Variants in RHOQ observed in about 807,000 individuals in gnomAD.
The protein encoded by RHOQ is rho-related GTP-binding protein RhoQ.
In RHOQ, 7 loss-of-function variants were observed where a neutral mutation model predicts 25.8. That is an observed-to-expected ratio of 0.27 (90% CI 0.15 to 0.51). The LOEUF is 0.51. Ranked by LOEUF, RHOQ falls within the 20% of genes least tolerant of loss-of-function variation. RHOQ has a pLI of 0.97. For synonymous variants in RHOQ, 97 were observed against 98.6 expected (o/e 0.98, Z 0.10); for missense variants, 165 against 260.6 (o/e 0.63, Z 2.53).
chr2:46,545,458 C>G (rs948307161), intron 2 of RHOQ, among the ~76,000 whole-genome samples: 2 of 152,184 alleles, frequency 1.3e-5, no homozygotes, highest in Non-Finnish European at 2.9e-5. Flanking sequence ...TATGTTTAAA[C>G]CCTGCTAGTA....
intron 2 of RHOQ, among the ~76,000 whole-genome samples, chr2:46,562,738 A>G (rs1304520476): frequency 6.6e-6 from 1 of 152,118 alleles, no homozygotes; most frequent in Non-Finnish European, 1.5e-5. Flanking sequence ...TGAAAAACGT[A>G]TTTGAGATAT....
intron 2 of RHOQ, among the ~76,000 whole-genome samples, chr2:46,551,698 G>T (rs575122689): frequency 6.6e-6 from 1 of 152,316 alleles, no homozygotes; most frequent in Non-Finnish European, 1.5e-5. Flanking sequence ...CTTTTTGAGT[G>T]AATGGTGAGA....
chr2:46,544,235 A>T (rs955290881), intron 2 of RHOQ, among the ~76,000 whole-genome samples: 9 of 152,220 alleles, frequency 5.9e-5, no homozygotes, highest in African/African-American at 2.2e-4. Context: ...AAATGGCATC[A>T]TCTAATATGA....
Position 46,581,254 on chromosome 2 carries a change from A to G in RHOQ, c.*171A>G, listed in dbSNP as rs1669358139. The G allele has an allele frequency of 1.0e-6, 1 of 962,060 alleles. No individual in the cohort carries two copies. The highest frequency in any genetic ancestry group is 1.7e-5 in the African/African-American group (1 of 60,542). 59.6% of individuals were successfully genotyped at this position (962,060 alleles called of 1,614,324 possible). On this transcript the variant is annotated 3_prime_UTR_variant, in exon 5 of 5. Coordinates refer to ENST00000238738, the MANE Select transcript of RHOQ (RefSeq NM_012249.4). ...TATTAAGAATGTTCCTTAAAGGTTT[A>G]AGAAGCAGTAAGCAGCATCTGAAGC...
rs1668134860 is a variant in RHOQ, at chr2:46,548,257, G to C, written c.201+4445G>C. ...TTACACTTGATATAACCCAGCAGCT[G>C]TGGCTGCCCTGCATGCCCTCTGGGT... On this transcript the variant is annotated intron_variant, in intron 2 of 4. Coordinates refer to ENST00000238738, the MANE Select transcript of RHOQ (RefSeq NM_012249.4). The surrounding 1 kb of genome is among the most constrained non-coding windows in gnomAD (Gnocchi z 5.2). 6.6e-6 allele frequency among the ~76,000 whole-genome samples: 1 copy of C among 152,226 alleles called. No homozygotes were observed. Among genetic ancestry groups the C allele is most frequent in the African/African-American group, 2.4e-5 (1 of 41,458 alleles).
rs554008642 is a variant in RHOQ, at chr2:46,580,663, A to G, written c.463-265A>G. On this transcript the variant is annotated intron_variant, in intron 4 of 4. Transcript: ENST00000238738. Reference sequence around the variant, plus strand: ...GGGACTCTGCTCTTTCGTTCAGTTCACTGACATATCCCCAGGACCTAAACA... The same window carrying G: ...GGGACTCTGCTCTTTCGTTCAGTTCGCTGACATATCCCCAGGACCTAAACA... The G allele has an allele frequency of 3.2e-5, 9 of 280,666 alleles. No individual in the cohort carries two copies. The South Asian group carries it at 1.4e-3, about 42-fold the overall frequency. 17.4% of individuals were successfully genotyped at this position (280,666 alleles called of 1,614,324 possible).
chr2:46,572,975 G>T (rs575481840), intron 2 of RHOQ, among the ~76,000 whole-genome samples: 2 of 152,098 alleles, frequency 1.3e-5, no homozygotes, highest in African/African-American at 2.4e-5. Flanking sequence ...ATGCACAGGG[G>T]ATAATTTATT....
chr2:46,581,710 G>A lies in RHOQ; in HGVS notation c.*627G>A, dbSNP rs888696360. 25 of 1,387,176 alleles carry A rather than the reference G, an allele frequency of 1.8e-5. No individual in the cohort carries two copies. Among genetic ancestry groups the A allele is most frequent in the Non-Finnish European group, 2.4e-5 (25 of 1,036,562 alleles). 85.9% of individuals were successfully genotyped at this position (1,387,176 alleles called of 1,614,324 possible). ...TGTGCTTTCTTAAAGAATGCCAAAAGTGTAATAAGGTCATAACTGCATTTA... is the reference window on the plus strand; with the variant it reads ...TGTGCTTTCTTAAAGAATGCCAAAAATGTAATAAGGTCATAACTGCATTTA... On this transcript the variant is annotated 3_prime_UTR_variant, in exon 5 of 5. Transcript: ENST00000238738.
chr2:46,581,546 C>A lies in RHOQ; in HGVS notation c.*463C>A, dbSNP rs936625334. On this transcript the variant is annotated 3_prime_UTR_variant, in exon 5 of 5. Coordinates refer to ENST00000238738, the MANE Select transcript of RHOQ (RefSeq NM_012249.4). ...CAGAGTGGTGAAATAACAAGGCCAG[C>A]CACGTAGCCAAAGGTCGCTCCAAGC... 6.2e-7 allele frequency: 1 copy of A among 1,611,382 alleles called. No homozygotes were observed. The highest frequency in any genetic ancestry group is 1.3e-5 in the African/African-American group (1 of 74,838).
At chr2:46,562,385 C>T (rs555812253) in intron 2 of RHOQ, among the ~76,000 whole-genome samples, 1 of 152,308 alleles carries the variant, frequency 6.6e-6, no homozygotes, top group South Asian at 2.1e-4. Flanking sequence ...ACTGGAATGA[C>T]AGTTTATCTG....
At chr2:46,579,800 G>A (rs1052632322) in intron 4 of RHOQ, among the ~76,000 whole-genome samples, 1 of 148,394 alleles carries the variant, frequency 6.7e-6, no homozygotes, top group African/African-American at 2.5e-5. Context: ...AGCCAAGATC[G>A]AACCATAGTA....
Position 46,576,172 on chromosome 2 carries a change from T to TA in RHOQ, c.287_288insA (p.Phe96LeufsTer13). ...TTCTCGGTGGTAAATCCAGCCTCAT[T>TA]TCAAAATGTGAAAGAGGAGTGGGTA... On this transcript the variant is annotated frameshift_variant, in exon 3 of 5. Transcript: ENST00000238738. LOFTEE classifies it high-confidence loss of function. The surrounding 1 kb of genome is among the most constrained non-coding windows in gnomAD (Gnocchi z 5.1). 1 of 1,608,346 alleles carries TA rather than the reference T, an allele frequency of 6.2e-7. No homozygotes were observed. The highest frequency in any genetic ancestry group is 8.5e-7 in the Non-Finnish European group (1 of 1,176,804).
intron 2 of RHOQ, among the ~76,000 whole-genome samples, chr2:46,550,932 G>A (rs973383976): frequency 6.6e-6 from 1 of 152,120 alleles, no homozygotes. Context: ...CAAGTTCATC[G>A]TGTGAAATTG....
rs751623190 is a variant in RHOQ at position 46,576,670 on chromosome 2, C to CA, written c.462+15dup. 1 of 1,497,730 alleles carries CA rather than the reference C, an allele frequency of 6.7e-7. No homozygotes were observed. Among genetic ancestry groups the CA allele is most frequent in the Non-Finnish European group, 9.2e-7 (1 of 1,086,652 alleles). 92.8% of individuals were successfully genotyped at this position (1,497,730 alleles called of 1,614,324 possible). ...CTAGCAAAAGAGGTAATGGAACACT[C>CA]ACAGAATTTAAGCATGAATGTAAAA... On this transcript the variant is annotated intron_variant, in intron 4 of 4. Coordinates refer to ENST00000238738, the MANE Select transcript of RHOQ (RefSeq NM_012249.4). This position sits in a 1 kb window ranked among gnomAD's most constrained non-coding sequence, Gnocchi z 5.1.
At chr2:46,557,676 G>A (rs1245294329) in intron 2 of RHOQ, among the ~76,000 whole-genome samples, 1 of 152,244 alleles carries the variant, frequency 6.6e-6, no homozygotes, top group East Asian at 1.9e-4. Context: ...ATGGTTTAAA[G>A]AGTCAGCAGT....
chr2:46,559,019 T>C (rs1668488651), intron 2 of RHOQ, among the ~76,000 whole-genome samples: 1 of 152,190 alleles, frequency 6.6e-6, no homozygotes, highest in Non-Finnish European at 1.5e-5. Flanking sequence ...AGTGGTGTGA[T>C]CTAGGCTCAC....
Position 46,576,501 on chromosome 2 carries a change from C to A in RHOQ, c.367-60C>A. 1 of 1,101,232 alleles carries A rather than the reference C, an allele frequency of 9.1e-7. No individual in the cohort carries two copies. Among genetic ancestry groups the A allele is most frequent in the Non-Finnish European group, 1.3e-6 (1 of 752,292 alleles). 68.2% of individuals were successfully genotyped at this position (1,101,232 alleles called of 1,614,324 possible). On this transcript the variant is annotated intron_variant, in intron 3 of 4. Transcript: ENST00000238738. The surrounding 1 kb of genome is among the most constrained non-coding windows in gnomAD (Gnocchi z 5.1). The stretch of plus-strand genomic sequence containing the variant: ...TGTGGGAATTAAGTGGGATTACATG[C>A]TTTGATTTTTCTTTAAAGATTTGTA...
At chr2:46,546,474 GTGTATATATATATATATATATA>G (rs1668056927) in intron 2 of RHOQ, among the ~76,000 whole-genome samples, 1 of 16,954 alleles carries the variant, frequency 5.9e-5, no homozygotes, top group Non-Finnish European at 1.0e-4. Context: ...ATATATATAT[GTGTATATATATATATATATATA>G]TATATATATA....
chr2:46,546,470 A>ATT (rs1190859752), intron 2 of RHOQ, among the ~76,000 whole-genome samples: 1 of 15,708 alleles, frequency 6.4e-5, no homozygotes, highest in Non-Finnish European at 1.0e-4. Flanking sequence ...ATATATATAT[A>ATT]TATGTGTATA....
Sources: gnomAD v4.1 joint callset for allele counts (sites outside exome capture counted in the v4.1 genomes callset) on GRCh38, gnomAD v4.1.1 for gene constraint, Gnocchi (gnomAD v3.1) non-coding constraint, MANE v1.5 for transcripts, NCBI Gene and HGNC (gene_info 2026-07-23, HGNC 2026-07-21) for gene names.